Variants in VPS37A observed in about 807,000 individuals in gnomAD.
VPS37A encodes the protein VPS37A subunit of ESCRT-I.
A neutral mutation model predicts 49.8 loss-of-function variants in VPS37A; 30 were observed. That is an observed-to-expected ratio of 0.60 (90% CI 0.45 to 0.82). The LOEUF (loss-of-function observed/expected upper bound fraction) is 0.82, where lower values mean the gene tolerates loss of function less well. Ranked by LOEUF, VPS37A falls within the 40% of genes least tolerant of loss-of-function variation. The probability of loss-of-function intolerance (pLI) is 0.00; values close to 1 mark genes in which losing one functional copy is unlikely to be tolerated. For missense variants in VPS37A, 593 were observed against 464.4 expected, an observed-to-expected ratio of 1.28 and a Z score of -2.55; for synonymous variants, 195 against 160.6, an observed-to-expected ratio of 1.21 and a Z score of -1.62.
chr8:17,253,245 G>C (rs1218403851), intron 1 of VPS37A, among the ~76,000 whole-genome samples: 1 of 152,144 alleles, frequency 6.6e-6, no homozygotes, highest in Non-Finnish European at 1.5e-5. Context: ...CCGAAAACCT[G>C]TGCCGTCTTC....
chr8:17,322,535 T>C, the VPS37A span, among the ~76,000 whole-genome samples: 5 of 152,144 alleles, frequency 3.3e-5, no homozygotes, highest in African/African-American at 1.2e-4. Flanking sequence ...ATAAAAAACA[T>C]GTGGCTGGGC....
At chr8:17,319,114 T>C in the VPS37A span, among the ~76,000 whole-genome samples, 82 of 152,298 alleles carry the variant, frequency 5.4e-4, no homozygotes, top group African/African-American at 1.5e-3. Flanking sequence ...ATAATCATGA[T>C]ATACGCATGG....
chr8:17,265,678 A>C (rs1258490393), intron 1 of VPS37A: 1 of 1,192,558 alleles, frequency 8.4e-7, no homozygotes, highest in Non-Finnish European at 1.2e-6. Flanking sequence ...GCCTCTTTAC[A>C]TCATCATCCC....
At chr8:17,261,925 G>C (rs1475358029) in intron 1 of VPS37A, among the ~76,000 whole-genome samples, 1 of 152,164 alleles carries the variant, frequency 6.6e-6, no homozygotes, top group Non-Finnish European at 1.5e-5. Flanking sequence ...CTTTGTCTCT[G>C]GCTGTCCTCA....
chr8:17,260,449 T>A (rs1446737862), intron 1 of VPS37A, among the ~76,000 whole-genome samples: 1 of 152,138 alleles, frequency 6.6e-6, no homozygotes, highest in Non-Finnish European at 1.5e-5. Flanking sequence ...TTTTGATAGA[T>A]TTTTATTTTG....
intron 1 of VPS37A, chr8:17,247,651 A>G (rs1474020560): frequency 2.8e-6 from 2 of 703,998 alleles, no homozygotes; most frequent in East Asian, 2.7e-5. Context: ...AATCTCTCTC[A>G]TAGTCTATTT....
At chr8:17,298,772 CAT>C (rs1252475966), downstream of VPS37A, 1 of 152,524 alleles carries the variant, frequency 6.6e-6, no homozygotes, top group African/African-American at 2.4e-5. Context: ...TTTTTTAACT[CAT>C]AAGATAGGGG....
chr8:17,301,174 A>T (rs758201663), downstream of VPS37A, among the ~76,000 whole-genome samples: 2 of 152,222 alleles, frequency 1.3e-5, no homozygotes, highest in African/African-American at 2.4e-5. Context: ...CAGTGTGAGG[A>T]AAAGAGATAG....
chr8:17,320,383 C>T, the VPS37A span, among the ~76,000 whole-genome samples: 15 of 151,940 alleles, frequency 9.9e-5, no homozygotes, highest in South Asian at 2.9e-3. Context: ...GATAGCAAGA[C>T]GGAGGGTGTG....
At chr8:17,309,624 C>A in the VPS37A span, among the ~76,000 whole-genome samples, 1 of 152,154 alleles carries the variant, frequency 6.6e-6, no homozygotes, top group African/African-American at 2.4e-5. Context: ...TGATCTCTAA[C>A]TGTAGGATAG....
At chr8:17,302,689 T>C (rs1325900789), downstream of VPS37A, among the ~76,000 whole-genome samples, 5 of 134,492 alleles carry the variant, frequency 3.7e-5, no homozygotes, top group African/African-American at 1.3e-4. Flanking sequence ...AAGTTGACAT[T>C]TGCATTGGCA....
chr8:17,249,979 C>T (rs1217957792), intron 1 of VPS37A, among the ~76,000 whole-genome samples: 1 of 152,142 alleles, frequency 6.6e-6, no homozygotes, highest in Non-Finnish European at 1.5e-5. Flanking sequence ...CCCACCAAGG[C>T]CTGTTTGTTC....
chr8:17,254,096 GCA>G (rs1288318684), intron 1 of VPS37A, among the ~76,000 whole-genome samples: 1 of 152,052 alleles, frequency 6.6e-6, no homozygotes, highest in Non-Finnish European at 1.5e-5. Flanking sequence ...TGAATTTGGT[GCA>G]CAGTTTGCGT....
intron 1 of VPS37A, among the ~76,000 whole-genome samples, chr8:17,258,225 T>C (rs765114122): frequency 3.3e-5 from 5 of 152,226 alleles, no homozygotes; most frequent in Admixed American, 6.5e-5. Context: ...TGTCTTATTC[T>C]AGATCTTAGA....
intron 1 of VPS37A, among the ~76,000 whole-genome samples, chr8:17,259,366 G>A (rs953865540): frequency 1.3e-5 from 2 of 151,924 alleles, no homozygotes; most frequent in Non-Finnish European, 2.9e-5. Flanking sequence ...TAATTTCCAC[G>A]TGGTTGTGTA....
rs1811458340 is a variant in VPS37A at position 17,247,830 on chromosome 8, C to T, written c.125+461C>T. On this transcript the variant is annotated intron_variant, in intron 1 of 11. Coordinates refer to ENST00000324849, the MANE Select transcript of VPS37A (RefSeq NM_152415.3). ...CAAAGGAAAGGGAAGCCAGAGTTTT[C>T]ATCAGTGAATGCTTCTCGTCTGAGA... is the stretch of plus-strand genomic sequence containing the variant. 1.1e-5 allele frequency: 8 copies of T among 696,354 alleles called. No individual in the cohort carries two copies. The East Asian group carries it at 2.1e-4, about 19-fold the overall frequency. 43.1% of individuals were successfully genotyped at this position (696,354 alleles called of 1,614,324 possible).
rs1202118717 is a variant in VPS37A, at chr8:17,297,272, A to G, written c.*2286A>G. 1.3e-5 allele frequency: 2 copies of G among 152,132 alleles called. No individual in the cohort carries two copies. Among genetic ancestry groups the G allele is most frequent in the Admixed American group, 6.5e-5 (1 of 15,270 alleles). The allele number at this position is 152,132 out of a possible 1,614,324, so 9.4% of individuals were successfully genotyped here. A position where few individuals can be genotyped will look rare whatever the true frequency, so the allele number is the denominator to read the frequency against. On this transcript the variant is annotated 3_prime_UTR_variant, in exon 12 of 12. Coordinates refer to ENST00000324849, the MANE Select transcript of VPS37A (RefSeq NM_152415.3). ...ATCTTAAAATAGAAGAAAATTCTAA[A>G]TCAATCAATCAGTGAGATATAAACT...
the VPS37A span, chr8:17,311,633 C>A: frequency 6.2e-7 from 1 of 1,614,156 alleles, no homozygotes; most frequent in East Asian, 2.2e-5. Flanking sequence ...TCCTCTGACA[C>A]TGCCTAGAAA....
the VPS37A span, among the ~76,000 whole-genome samples, chr8:17,324,038 T>G: frequency 2.6e-5 from 4 of 152,206 alleles, no homozygotes; most frequent in African/African-American, 9.7e-5. Context: ...TTTTGTCCCT[T>G]TGATAATGTC....
Sources: gnomAD v4.1 joint callset for allele counts (sites outside exome capture counted in the v4.1 genomes callset) on GRCh38, gnomAD v4.1.1 for gene constraint, MANE v1.5 for transcripts, NCBI Gene and HGNC (gene_info 2026-07-23, HGNC 2026-07-21) for gene names.